OTULINL: variants seen among roughly 807,000 people sequenced by gnomAD.
The protein encoded by OTULINL is inactive ubiquitin thioesterase OTULINL.
In OTULINL, 42 loss-of-function variants were observed where a neutral mutation model predicts 43.9. The observed-to-expected ratio is 0.96, with a 90% CI of 0.75 to 1.24. The LOEUF (loss-of-function observed/expected upper bound fraction) is 1.24, where lower values mean the gene tolerates loss of function less well. Ranked by LOEUF, OTULINL falls within the 50% of genes most tolerant of loss-of-function variation. The pLI, the probability that OTULINL is intolerant of heterozygous loss-of-function variation, is 0.00. For missense variants in OTULINL, 411 were observed against 426.4 expected (o/e 0.96, Z 0.32); for synonymous variants, 172 against 153.6 (o/e 1.12, Z -0.88).
intron 1 of OTULINL, among the ~76,000 whole-genome samples, chr5:14,588,413 C>G (rs1179214540): frequency 6.6e-6 from 1 of 152,090 alleles, no homozygotes; most frequent in Non-Finnish European, 1.5e-5. Flanking sequence ...TACCTTGAAA[C>G]CATCCTACTA....
intron 4 of OTULINL, among the ~76,000 whole-genome samples, chr5:14,601,904 A>G (rs1239933636): frequency 6.6e-6 from 1 of 152,254 alleles, no homozygotes; most frequent in Non-Finnish European, 1.5e-5. Context: ...AGTACTTAGC[A>G]TGGTCCTAAA....
chr5:14,603,021 C>T (rs1445657729), intron 5 of OTULINL, among the ~76,000 whole-genome samples: 1 of 152,190 alleles, frequency 6.6e-6, no homozygotes, highest in Admixed American at 6.5e-5. Flanking sequence ...AACCACTGAT[C>T]TATTTTCTGT....
intron 1 of OTULINL, among the ~76,000 whole-genome samples, chr5:14,592,971 A>C (rs1217864459): frequency 1.3e-5 from 2 of 152,232 alleles, no homozygotes; most frequent in Non-Finnish European, 2.9e-5. Flanking sequence ...CGTTTAGCTC[A>C]GATTCCCTTC....
intron 1 of OTULINL, among the ~76,000 whole-genome samples, chr5:14,594,366 G>A (rs1304570777): frequency 3.3e-5 from 5 of 152,232 alleles, no homozygotes; most frequent in Non-Finnish European, 5.9e-5. Context: ...TTATTCTGGA[G>A]CTGAGTTTCT....
Position 14,608,909 on chromosome 5 carries a change from C to A in OTULINL, c.789C>A (p.Val263=). The stretch of plus-strand genomic sequence containing the variant: ...ATGAACAAATGAAGACTAAAAAGGT[C>A]ATTCCCAGTCTTTTTAGACTCCTGT... ...EVYEQMKTKK[V]IPSLFRLLFS... is the part of the protein sequence containing the mutation. Residue 263 remains valine, a synonymous_variant, in exon 7 of 8, where the codon GTC becomes GTA. Transcript: ENST00000274217. 2 of 1,614,020 alleles carry A rather than the reference C, an allele frequency of 1.2e-6. No individual in the cohort carries two copies. The highest frequency in any genetic ancestry group is 1.7e-6 in the Non-Finnish European group (2 of 1,179,888).
chr5:14,583,619 G>A (rs192216655), intron 1 of OTULINL, among the ~76,000 whole-genome samples: 5 of 152,260 alleles, frequency 3.3e-5, no homozygotes, highest in African/African-American at 1.2e-4. Context: ...TCTTTCCTCT[G>A]CTCCAATTGT....
rs1560971375 is a variant in OTULINL, at chr5:14,614,438, G to A, written c.*4124G>A. The A allele has an allele frequency of 2.5e-6, 1 of 396,374 alleles. No homozygotes were observed. 24.6% of individuals were successfully genotyped at this position (396,374 alleles called of 1,614,324 possible). On this transcript the variant is annotated 3_prime_UTR_variant, in exon 8 of 8. Transcript: ENST00000274217. ...TACAGCTAGACACAAAATTTAGTGG[G>A]TCCAAATTGTTCAATCACTTCTATG...
At chr5:14,598,561 G>T (rs779131985) in intron 1 of OTULINL, among the ~76,000 whole-genome samples, 22 of 152,190 alleles carry the variant, frequency 1.4e-4, no homozygotes, top group South Asian at 2.1e-4. Flanking sequence ...GTTTGTAAAA[G>T]TGAGAAATGG....
At chr5:14,594,582 C>T (rs1291955473) in intron 1 of OTULINL, among the ~76,000 whole-genome samples, 1 of 152,150 alleles carries the variant, frequency 6.6e-6, no homozygotes, top group Non-Finnish European at 1.5e-5. Flanking sequence ...TTCACTGCCT[C>T]CCTGCCTGGC....
In OTULINL at chr5:14,602,105, C is replaced by T. The variant is rs112457252; in HGVS notation, c.349-78C>T. The T allele has an allele frequency of 2.0e-4, 236 of 1,176,816 alleles. No individual in the cohort carries two copies. In the African/African-American group the frequency reaches 3.3e-3, roughly 16 times the overall value. 72.9% of individuals were successfully genotyped at this position (1,176,816 alleles called of 1,614,324 possible). ...TCCACTTTAGTTGGGAGGAACACCT[C>T]ACTGAAAATACAGTGAATTCACTTT... On this transcript the variant is annotated intron_variant, in intron 4 of 7. Coordinates refer to ENST00000274217, the MANE Select transcript of OTULINL (RefSeq NM_019018.3).
intron 1 of OTULINL, among the ~76,000 whole-genome samples, chr5:14,593,961 C>T (rs1759246293): frequency 1.3e-5 from 2 of 152,158 alleles, no homozygotes; most frequent in Admixed American, 6.5e-5. Flanking sequence ...CTTGGTGGTT[C>T]TCTTTCTCAG....
chr5:14,587,421 C>T (rs999188616), intron 1 of OTULINL, among the ~76,000 whole-genome samples: 2 of 152,208 alleles, frequency 1.3e-5, no homozygotes, highest in African/African-American at 4.8e-5. Flanking sequence ...ATAGGAAGGG[C>T]TGGTGGCACT....
At chr5:14,593,577 C>A (rs903048968) in intron 1 of OTULINL, among the ~76,000 whole-genome samples, 6 of 152,206 alleles carry the variant, frequency 3.9e-5, no homozygotes, top group Non-Finnish European at 8.8e-5. Flanking sequence ...ACAACTTCCT[C>A]TTTAGTAGTA....
In OTULINL at chr5:14,608,953, C is replaced by T. The variant is rs767715657; in HGVS notation, c.833C>T (p.Ser278Phe). Residue 278 changes from serine (S) to phenylalanine (F), a missense_variant, in exon 7 of 8, where the codon TCT becomes TTT. Coordinates refer to ENST00000274217, the MANE Select transcript of OTULINL (RefSeq NM_019018.3). ...FRLLFSRETS[S>F]DPLSFMMNHL... Reference sequence around the variant, plus strand: ...CTCCTGTTTTCCAGGGAGACATCCTCTGATCCTTTGAGCTTCATGATGAAT... The same window carrying T: ...CTCCTGTTTTCCAGGGAGACATCCTTTGATCCTTTGAGCTTCATGATGAAT... 6.2e-7 allele frequency: 1 copy of T among 1,614,146 alleles called. No homozygotes were observed.
rs1031130434 is a variant in OTULINL at position 14,614,879 on chromosome 5, A to G, written c.*4565A>G. 1.0e-5 allele frequency: 4 copies of G among 397,396 alleles called. No homozygotes were observed. The highest frequency in any genetic ancestry group is 8.2e-5 in the African/African-American group (4 of 48,640). The allele number at this position is 397,396 out of a possible 1,614,324, so 24.6% of individuals were successfully genotyped here. The stretch of plus-strand genomic sequence containing the variant: ...CGTATTGGTCCTTATAGTCAGTACC[A>G]TCAGGTCTTAGATTGTTAAGTCATT... On this transcript the variant is annotated 3_prime_UTR_variant, in exon 8 of 8. Transcript: ENST00000274217.
Position 14,608,942 on chromosome 5 carries a change from G to C in OTULINL, c.822G>C (p.Arg274Ser). 6.2e-7 allele frequency: 1 copy of C among 1,614,100 alleles called. No individual in the cohort carries two copies. Among genetic ancestry groups the C allele is most frequent in the Non-Finnish European group, 8.5e-7 (1 of 1,180,024 alleles). The change falls in exon 7 of 8, where the codon AGG (arginine) becomes AGC (serine). Residue 274 changes from arginine (R) to serine (S), a missense_variant. Physicochemically the swap from Arg to Ser is moderately radical, Grantham distance 110. Transcript: ENST00000274217. The stretch of plus-strand genomic sequence containing the variant: ...GTCTTTTTAGACTCCTGTTTTCCAG[G>C]GAGACATCCTCTGATCCTTTGAGCT... ...IPSLFRLLFS[R>S]ETSSDPLSFM...
intron 6 of OTULINL, 87 bp from the exon 7 acceptor site, chr5:14,608,661 T>C (rs2126785901): frequency 9.2e-7 from 1 of 1,088,402 alleles, no homozygotes. Context: ...TAATCTTTGG[T>C]TTATTTTATA....
intron 1 of OTULINL, among the ~76,000 whole-genome samples, chr5:14,588,922 A>G (rs143642017): frequency 1.3e-5 from 2 of 152,278 alleles, no homozygotes; most frequent in Non-Finnish European, 2.9e-5. Flanking sequence ...ATGAGCCTTT[A>G]TCTGAGTAGC....
chr5:14,594,220 A>C (rs1342842884), intron 1 of OTULINL, among the ~76,000 whole-genome samples: 2 of 152,238 alleles, frequency 1.3e-5, no homozygotes, highest in Non-Finnish European at 2.9e-5. Flanking sequence ...GCTAACTTCT[A>C]GAAATCTCTT....
Sources: allele counts gnomAD v4.1 joint callset (sites outside exome capture counted in the v4.1 genomes callset), GRCh38; gene constraint gnomAD v4.1.1; transcripts MANE v1.5; gene names NCBI Gene and HGNC (gene_info 2026-07-23, HGNC 2026-07-21).